STK32C: variants seen among roughly 807,000 people sequenced by gnomAD.
The protein encoded by STK32C is serine/threonine kinase 32C.
A neutral mutation model predicts 56.5 loss-of-function variants in STK32C; 31 were observed. The observed-to-expected ratio is 0.55, with a 90% confidence interval of 0.41 to 0.74. The LOEUF is 0.74. Among genes scored for constraint, STK32C ranks in the 30% least tolerant of loss-of-function variants. The pLI is 0.00. For synonymous variants in STK32C, 309 were observed against 289.4 expected (o/e 1.07, Z -0.69); for missense variants, 544 against 676.9 (o/e 0.80, Z 2.18).
rs577892842 is a variant in STK32C at position 132,268,805 on chromosome 10, G to A, written c.263-22850C>T. Among the ~76,000 whole-genome samples, 521 of 149,704 alleles carry A rather than the reference G, an allele frequency of 3.5e-3. 2 individuals carry two copies. Among genetic ancestry groups the A allele is most frequent in the African/African-American group, 0.012 (499 of 40,402 alleles). ...CATCCATGTCCCACATCGTGTGTGT[G>A]TGTGTCGGTGTGTGTGCATGCATGT... is the stretch of plus-strand genomic sequence containing the variant. On this transcript the variant is annotated intron_variant, in intron 1 of 11. Coordinates refer to ENST00000298630, the MANE Select transcript of STK32C (RefSeq NM_173575.4).
chr10:132,318,067 A>C (rs2066339923), intron 1 of STK32C, among the ~76,000 whole-genome samples: 2 of 151,728 alleles, frequency 1.3e-5, no homozygotes, highest in South Asian at 2.1e-4. Flanking sequence ...CAGGAGTTCC[A>C]GACCAGCCTG....
intron 1 of STK32C, among the ~76,000 whole-genome samples, chr10:132,277,322 G>C (rs531933663): frequency 6.6e-6 from 1 of 152,346 alleles, no homozygotes; most frequent in Admixed American, 6.5e-5. Flanking sequence ...CACAGAGACG[G>C]CCACAAAACT....
intron 4 of STK32C, among the ~76,000 whole-genome samples, chr10:132,226,523 T>A (rs1341414258): frequency 2.6e-5 from 4 of 152,214 alleles, no homozygotes; most frequent in Admixed American, 1.3e-4. Flanking sequence ...CCCAGCCTGG[T>A]GGTCTGTCCA....
At chr10:132,240,965 C>T (rs907424256) in intron 2 of STK32C, among the ~76,000 whole-genome samples, 11 of 152,230 alleles carry the variant, frequency 7.2e-5, no homozygotes, top group African/African-American at 1.9e-4. Context: ...CATCAGACAC[C>T]GTCAAGCTGG....
chr10:132,309,373 A>G (rs939168078), upstream of STK32C, among the ~76,000 whole-genome samples: 1 of 151,788 alleles, frequency 6.6e-6, no homozygotes, highest in East Asian at 1.9e-4. Context: ...GCACCCGCCT[A>G]GGACATGCAC....
chr10:132,218,283 C>T (rs1285073858), intron 10 of STK32C, among the ~76,000 whole-genome samples: 1 of 151,758 alleles, frequency 6.6e-6, no homozygotes, highest in Admixed American at 6.6e-5. Context: ...TGCACCACTG[C>T]ACTCCAGTTT....
chr10:132,224,347 G>A, intron 8 of STK32C, 60 bp downstream of exon 8: 7 of 1,286,030 alleles, frequency 5.4e-6, no homozygotes, highest in Non-Finnish European at 7.7e-6. Flanking sequence ...CGAGCCGCAG[G>A]TAAGTGAGGG....
intron 1 of STK32C, among the ~76,000 whole-genome samples, chr10:132,303,036 A>T (rs2065955082): frequency 2.0e-5 from 3 of 152,232 alleles, no homozygotes; most frequent in Non-Finnish European, 4.4e-5. Context: ...CACAAGGTGA[A>T]CCTTGTAAAA....
intron 1 of STK32C, chr10:132,330,434 G>A: frequency 1.4e-6 from 1 of 717,280 alleles, no homozygotes; most frequent in Non-Finnish European, 2.6e-6. Flanking sequence ...CTCTGCCCGG[G>A]TGGCTGGCCT....
chr10:132,238,107 A>C (rs572187114), intron 2 of STK32C, among the ~76,000 whole-genome samples: 75 of 152,198 alleles, frequency 4.9e-4, no homozygotes, highest in African/African-American at 1.8e-3. Context: ...AACTGCCAGC[A>C]GTGCTGGCGG....
At chr10:132,253,123 AG>A (rs1326715004) in intron 1 of STK32C, among the ~76,000 whole-genome samples, 3 of 152,242 alleles carry the variant, frequency 2.0e-5, no homozygotes, top group Non-Finnish European at 4.4e-5. Flanking sequence ...CCCTGTTCTC[AG>A]AGAGTTTTGC....
chr10:132,251,470 C>T (rs116697307), intron 1 of STK32C, among the ~76,000 whole-genome samples: 4,723 of 152,250 alleles, frequency 0.031, 96 homozygotes, highest in Middle Eastern at 0.061. Context: ...ACAGAGCCTA[C>T]TGTGAACGGC....
chr10:132,292,324 G>C (rs2065591534), intron 1 of STK32C, among the ~76,000 whole-genome samples: 1 of 152,174 alleles, frequency 6.6e-6, no homozygotes, highest in Non-Finnish European at 1.5e-5. Flanking sequence ...CCAAGGGCCT[G>C]GGTATCGGCC....
At chr10:132,215,844 G>A (rs2062454596) in intron 10 of STK32C, among the ~76,000 whole-genome samples, 1 of 152,204 alleles carries the variant, frequency 6.6e-6, no homozygotes, top group Admixed American at 6.5e-5. Flanking sequence ...CTAGAGACTT[G>A]TTGAATGGCT....
intron 10 of STK32C, among the ~76,000 whole-genome samples, chr10:132,211,107 G>A (rs1197670355): frequency 3.3e-5 from 5 of 152,164 alleles, no homozygotes; most frequent in East Asian, 1.9e-4. Flanking sequence ...AAGGAGTCAC[G>A]ATCCTGGCAG....
intron 1 of STK32C, among the ~76,000 whole-genome samples, chr10:132,270,893 A>G (rs552028145): frequency 2.0e-5 from 3 of 152,240 alleles, no homozygotes; most frequent in Middle Eastern, 3.4e-3. Flanking sequence ...CCAGGGCAGA[A>G]GCAGGACCAG....
Position 132,301,688 on chromosome 10 carries a change from A to C in STK32C, c.262+5884T>G, listed in dbSNP as rs151055524. Among the ~76,000 whole-genome samples the C allele has an allele frequency of 1.2e-3, 181 of 152,372 alleles. 5 individuals carry two copies. The East Asian group carries it at 0.032, about 27-fold the overall frequency. On this transcript the variant is annotated intron_variant, in intron 1 of 11. Transcript: ENST00000298630. The stretch of plus-strand genomic sequence containing the variant: ...GTGCGGGCTACTGGGCCGGGTGAAA[A>C]TGCAAGATGTGAACCAGGAGCTGCA...
chr10:132,269,957 G>A (rs1479214218), intron 1 of STK32C, among the ~76,000 whole-genome samples: 4 of 152,230 alleles, frequency 2.6e-5, no homozygotes, highest in African/African-American at 9.6e-5. Context: ...TGTCCTCCAC[G>A]CCTGACGACC....
intron 10 of STK32C, among the ~76,000 whole-genome samples, chr10:132,216,268 C>A (rs542090772): frequency 6.6e-6 from 1 of 152,212 alleles, no homozygotes; most frequent in African/African-American, 2.4e-5. Context: ...AGTTCAAGAC[C>A]AGCCTGGCCA....
Sources: gnomAD v4.1 joint callset for allele counts (sites outside exome capture counted in the v4.1 genomes callset) on GRCh38, gnomAD v4.1.1 for gene constraint, MANE v1.5 for transcripts, NCBI Gene and HGNC (gene_info 2026-07-23, HGNC 2026-07-21) for gene names.